IL34: variants seen among roughly 807,000 people sequenced by gnomAD.
IL34 encodes the protein interleukin 34, also known as interleukin-34.
In IL34, 17 loss-of-function variants were observed where a neutral mutation model predicts 25.3. The observed-to-expected ratio is 0.67, with a 90% CI of 0.46 to 1.01. The LOEUF (loss-of-function observed/expected upper bound fraction) is 1.01. Among genes scored for constraint, IL34 ranks in the 50% least tolerant of loss-of-function variants. The pLI, the probability that IL34 is intolerant of heterozygous loss-of-function variation, is 0.00. For missense variants in IL34, 368 were observed against 312.9 expected (o/e 1.18, Z -1.33); for synonymous variants, 174 against 140.9 (o/e 1.23, Z -1.66).
chr16:70,634,070 C>T (rs1176622490), intron 1 of IL34, among the ~76,000 whole-genome samples: 1 of 151,928 alleles, frequency 6.6e-6, no homozygotes, highest in Non-Finnish European at 1.5e-5. Flanking sequence ...AGGCTAGTCT[C>T]AAACACCTGA....
At chr16:70,607,502 C>T (rs2051025432) in intron 1 of IL34, among the ~76,000 whole-genome samples, 1 of 152,204 alleles carries the variant, frequency 6.6e-6, no homozygotes, top group Non-Finnish European at 1.5e-5. Flanking sequence ...GGCCTGATTG[C>T]ACTGGCTGGA....
intron 1 of IL34, among the ~76,000 whole-genome samples, chr16:70,587,046 G>T (rs893684096): frequency 6.6e-6 from 1 of 152,204 alleles, no homozygotes; most frequent in Non-Finnish European, 1.5e-5. Context: ...CAGAATGCTA[G>T]CTAGTGTCAG....
At chr16:70,606,453 C>A (rs1390657234) in intron 1 of IL34, among the ~76,000 whole-genome samples, 1 of 152,000 alleles carries the variant, frequency 6.6e-6, no homozygotes, top group Non-Finnish European at 1.5e-5. Flanking sequence ...GATAGTGAAC[C>A]TATTAATCAC....
chr16:70,617,760 T>G (rs1249668840), intron 1 of IL34, among the ~76,000 whole-genome samples: 3 of 151,708 alleles, frequency 2.0e-5, no homozygotes, highest in Non-Finnish European at 4.4e-5. Flanking sequence ...CACTGAATAC[T>G]AAGAGCCTGA....
chr16:70,650,972 A>C (rs2052063320), intron 1 of IL34, among the ~76,000 whole-genome samples: 1 of 152,238 alleles, frequency 6.6e-6, no homozygotes, highest in African/African-American at 2.4e-5. Flanking sequence ...GCACTTTGGG[A>C]AGCCGAGGTG....
intron 1 of IL34, among the ~76,000 whole-genome samples, chr16:70,652,667 T>C (rs2052110055): frequency 6.6e-6 from 1 of 152,218 alleles, no homozygotes; most frequent in Non-Finnish European, 1.5e-5. Context: ...TGTTATAAAA[T>C]AAATGCTGCT....
intron 1 of IL34, among the ~76,000 whole-genome samples, chr16:70,612,481 GCCGTAATTACT>G (rs1280439311): frequency 2.0e-5 from 3 of 152,216 alleles, no homozygotes; most frequent in African/African-American, 7.2e-5. Flanking sequence ...GGCCCACTCT[GCCGTAATTACT>G]CCAGAGACTT....
At chr16:70,637,714 CAGAT>C (rs1478022325) in intron 1 of IL34, among the ~76,000 whole-genome samples, 1 of 152,188 alleles carries the variant, frequency 6.6e-6, no homozygotes, top group Non-Finnish European at 1.5e-5. Context: ...ATAAGGATGT[CAGAT>C]AGTTTCCCCA....
chr16:70,614,006 A>T (rs1234343008), intron 1 of IL34, among the ~76,000 whole-genome samples: 2 of 151,784 alleles, frequency 1.3e-5, no homozygotes, highest in East Asian at 3.9e-4. Flanking sequence ...TGGGCAATAC[A>T]ACAAGGCTTT....
chr16:70,660,116 C>A lies in IL34; in HGVS notation c.658C>A (p.Pro220Thr). ...TQLYPPPPWS[P>T]SSPPHSTGSV... is the part of the protein sequence containing the mutation. ...GCTGTACCCTCCGCCCCCGTGGTCC[C>A]CCAGCTCCCCGCCTCACTCCACGGG... The change falls in exon 6 of 6, where the codon CCC becomes ACC. Residue 220 changes from proline to threonine, a missense_variant. Physicochemically the swap from Pro to Thr is conservative, Grantham distance 38. Transcript: ENST00000288098. 2 of 1,613,264 alleles carry A rather than the reference C, an allele frequency of 1.2e-6. No individual in the cohort carries two copies. Among genetic ancestry groups the A allele is most frequent in the Non-Finnish European group, 1.7e-6 (2 of 1,179,772 alleles).
chr16:70,608,700 C>T (rs938606205), intron 1 of IL34, among the ~76,000 whole-genome samples: 21 of 152,238 alleles, frequency 1.4e-4, no homozygotes, highest in Non-Finnish European at 2.2e-4. Context: ...GCCGTGCAGG[C>T]GACTGCTTCC....
rs2052359533 is a variant in IL34 at position 70,660,071 on chromosome 16, T to C, written c.613T>C (p.Leu205=). 4 of 1,613,496 alleles carry C rather than the reference T, an allele frequency of 2.5e-6. No individual in the cohort carries two copies. Among genetic ancestry groups the C allele is most frequent in the South Asian group, 2.2e-5 (2 of 91,054 alleles). ...TCAGTCTTGCAGCCCAGAGCCCTCA[T>C]TGCAGTATGCGGCCACCCAGCTGTA... is the stretch of plus-strand genomic sequence containing the variant. ...SPQSCSPEPS[L]QYAATQLYPP... is the part of the protein sequence containing the mutation. Residue 205 remains leucine (L), a synonymous_variant, in exon 6 of 6, where the codon TTG becomes CTG. Transcript: ENST00000288098.
intron 1 of IL34, 139 bp downstream of exon 1, chr16:70,647,114 GA>G: frequency 1.3e-6 from 1 of 788,408 alleles, no homozygotes; most frequent in Non-Finnish European, 1.8e-6. Context: ...GACACCCTCT[GA>G]GATTCCCACG....
chr16:70,615,846 G>A (rs2051164855), intron 1 of IL34, among the ~76,000 whole-genome samples: 1 of 152,004 alleles, frequency 6.6e-6, no homozygotes, highest in African/African-American at 2.4e-5. Flanking sequence ...TCAGCTACTC[G>A]GAAGACTGAG....
rs541506933 is a variant in IL34 at position 70,580,950 on chromosome 16, C to T, written c.-401+901C>T. 1.9e-3 allele frequency among the ~76,000 whole-genome samples: 292 copies of T among 149,768 alleles called. 1 individual carries two copies. Among genetic ancestry groups the T allele is most frequent in the African/African-American group, 6.8e-3 (276 of 40,646 alleles). On this transcript the variant is annotated intron_variant, in intron 1 of 6. Transcript: ENST00000429149. Reference sequence around the variant, plus strand: ...TTTTTGAGATGGAGTCTTGCTGTGTCGACCAGGCTGGAGTGCAGTGGCGTC... The same window carrying T: ...TTTTTGAGATGGAGTCTTGCTGTGTTGACCAGGCTGGAGTGCAGTGGCGTC...
In IL34 at chr16:70,635,593, G is replaced by A. The variant is rs915837535; in HGVS notation, c.-400-10955G>A. ...ACATCGGCAGCTTCCTTGAGCAGGAGCTGTTTCCAGTGTTCAAGGGTCCCA... is the reference window on the plus strand; with the variant it reads ...ACATCGGCAGCTTCCTTGAGCAGGAACTGTTTCCAGTGTTCAAGGGTCCCA... On this transcript the variant is annotated intron_variant, in intron 1 of 6. Transcript: ENST00000429149. 2.6e-5 allele frequency among the ~76,000 whole-genome samples: 4 copies of A among 152,162 alleles called. No homozygotes were observed. The South Asian group carries it at 6.2e-4, about 24-fold the overall frequency.
rs752305128 is a variant in IL34, at chr16:70,660,057, G to A, written c.599G>A (p.Ser200Asn). ...GAGGTGCCAAGTCCTCAGTCTTGCAGCCCAGAGCCCTCATTGCAGTATGCG... is the reference window on the plus strand; with the variant it reads ...GAGGTGCCAAGTCCTCAGTCTTGCAACCCAGAGCCCTCATTGCAGTATGCG... ...DCEVPSPQSC[S>N]PEPSLQYAAT... The change falls in exon 6 of 6, where the codon AGC becomes AAC. Residue 200 changes from serine (S) to asparagine (N), a missense_variant. By Grantham distance (46) the Ser-to-Asn change is conservative. Coordinates refer to ENST00000288098, the MANE Select transcript of IL34 (RefSeq NM_001393494.1). The A allele has an allele frequency of 1.9e-6, 3 of 1,613,368 alleles. No homozygotes were observed. The highest frequency in any genetic ancestry group is 1.1e-5 in the South Asian group (1 of 91,038).
intron 1 of IL34, among the ~76,000 whole-genome samples, chr16:70,583,819 T>C (rs569102045): frequency 2.1e-4 from 32 of 152,152 alleles, no homozygotes; most frequent in Non-Finnish European, 2.9e-4. Flanking sequence ...GCCTGGCTAA[T>C]TTTTGTATCT....
chr16:70,604,483 C>T (rs1206761660), intron 1 of IL34, among the ~76,000 whole-genome samples: 2 of 152,240 alleles, frequency 1.3e-5, no homozygotes, highest in Non-Finnish European at 1.5e-5. Flanking sequence ...CAAAACCAGG[C>T]ATCCAGCAGC....
Sources: allele counts gnomAD v4.1 joint callset (sites outside exome capture counted in the v4.1 genomes callset), GRCh38; gene constraint gnomAD v4.1.1; transcripts MANE v1.5; gene names NCBI Gene and HGNC (gene_info 2026-07-23, HGNC 2026-07-21).